TTC6: variants seen among roughly 807,000 people sequenced by gnomAD.
TTC6 encodes tetratricopeptide repeat domain 6, also known as tetratricopeptide repeat protein 6.
In TTC6, 172 loss-of-function variants were observed where a neutral mutation model predicts 210.4. The ratio of observed to expected loss-of-function variants is 0.82; its 90% CI spans 0.72 to 0.93. TTC6 has a LOEUF of 0.93. Among genes scored for constraint, TTC6 ranks in the 40% least tolerant of loss-of-function variants. The probability of loss-of-function intolerance (pLI) is 0.00; values close to 1 mark genes in which losing one functional copy is unlikely to be tolerated. For missense variants in TTC6, 2,414 were observed against 2,318.1 expected (o/e 1.04, Z -0.85); for synonymous variants, 804 against 819.6 (o/e 0.98, Z 0.32).
chr14:37,812,518 G>A, intron 25 of TTC6, 85 bp downstream of exon 27: 1 of 1,319,436 alleles, frequency 7.6e-7, no homozygotes. Context: ...TTATCAACTG[G>A]CAATATTAAT....
At chr14:37,640,284 T>G (rs935502947) in intron 1 of TTC6, among the ~76,000 whole-genome samples, 2 of 152,124 alleles carry the variant, frequency 1.3e-5, no homozygotes, top group Non-Finnish European at 2.9e-5. Flanking sequence ...AGTCCCTTAA[T>G]TTAGACTCTA....
chr14:37,842,110 T>A, intron 30 of TTC6, 45 bp from the exon 33 acceptor site: 1 of 1,440,008 alleles, frequency 6.9e-7, no homozygotes, highest in Non-Finnish European at 9.1e-7. Flanking sequence ...GAGACTATTT[T>A]TTGAGTGCCA....
At chr14:37,835,361 T>G (rs761054633) in intron 29 of TTC6, among the ~76,000 whole-genome samples, 7 of 152,202 alleles carry the variant, frequency 4.6e-5, no homozygotes, top group Non-Finnish European at 8.8e-5. Flanking sequence ...AGATGAGAGA[T>G]ACCAATTTAT....
At chr14:37,696,016 A>G (rs1003497050) in intron 3 of TTC6, among the ~76,000 whole-genome samples, 5 of 152,188 alleles carry the variant, frequency 3.3e-5, no homozygotes, top group Non-Finnish European at 7.4e-5. Context: ...CAGATTACCA[A>G]GATGGTTAGG....
chr14:37,701,550 A>G lies in TTC6; in HGVS notation c.1571+24A>G, dbSNP rs185208219. 13 of 1,422,570 alleles carry G rather than the reference A, an allele frequency of 9.1e-6. No homozygotes were observed. In the African/African-American group the frequency reaches 1.6e-4, roughly 17 times the overall value. 88.1% of individuals were successfully genotyped at this position (1,422,570 alleles called of 1,614,324 possible). On this transcript the variant is annotated intron_variant, in intron 5 of 30. Transcript: ENST00000553443. ...AGGTAAGAGTTCCACTGGTAATTTG[A>G]TTTTAAGCTAAATGTAAACTGTCAT... is the stretch of plus-strand genomic sequence containing the variant.
At chr14:37,600,033 C>A (rs2139209162) in intron 1 of TTC6, among the ~76,000 whole-genome samples, 1 of 152,318 alleles carries the variant, frequency 6.6e-6, no homozygotes, top group African/African-American at 2.4e-5. Flanking sequence ...AAAGGATCCT[C>A]GGGCTTTCCC....
intron 4 of TTC6, among the ~76,000 whole-genome samples, chr14:37,700,029 A>G (rs917957163): frequency 3.9e-5 from 6 of 152,178 alleles, no homozygotes; most frequent in Non-Finnish European, 8.8e-5. Flanking sequence ...CCCATGAAGG[A>G]AGAGCAATTT....
At chr14:37,596,374 C>A (rs548482642) in intron 1 of TTC6, among the ~76,000 whole-genome samples, 1 of 152,404 alleles carries the variant, frequency 6.6e-6, no homozygotes, top group South Asian at 2.1e-4. Context: ...AGACTGCCCG[C>A]AGCGGCGCTT....
chr14:37,789,598 A>ATATATATAT (rs1466610552), intron 15 of TTC6, among the ~76,000 whole-genome samples: 17 of 146,156 alleles, frequency 1.2e-4, no homozygotes, highest in African/African-American at 3.7e-4. Flanking sequence ...GTTTCCTCTT[A>ATATATATAT]TATATATATA....
intron 1 of TTC6, among the ~76,000 whole-genome samples, chr14:37,643,989 T>A (rs887765559): frequency 6.6e-6 from 1 of 152,220 alleles, no homozygotes; most frequent in Admixed American, 6.5e-5. Context: ...GTTCTGTTGC[T>A]CTTTAGGGTT....
rs764953498 is a variant in TTC6, at chr14:37,835,106, G to A, written c.5299-6339G>A. Among the ~76,000 whole-genome samples, 33 of 152,230 alleles carry A rather than the reference G, an allele frequency of 2.2e-4. 1 individual carries two copies. Among genetic ancestry groups the A allele is most frequent in the South Asian group, 6.2e-4 (3 of 4,824 alleles). On this transcript the variant is annotated intron_variant, in intron 29 of 30. Coordinates refer to ENST00000553443, the Ensembl canonical transcript of TTC6. ...TTGCAGGCAGTGGTTTTTCCTGGGC[G>A]GCCAGTCTTTGCACTCCTGGCAGGG...
chr14:37,614,607 C>A (rs1199937411), intron 2 of TTC6, among the ~76,000 whole-genome samples: 3 of 149,614 alleles, frequency 2.0e-5, no homozygotes, highest in Non-Finnish European at 4.4e-5. Context: ...TTTAGCATTT[C>A]TTGTAATTCC....
At chr14:37,700,750 C>T (rs1475349649) in intron 4 of TTC6, among the ~76,000 whole-genome samples, 1 of 62,286 alleles carries the variant, frequency 1.6e-5, no homozygotes, top group African/African-American at 7.6e-5. Context: ...CTCCATCTCA[C>T]AAAAAAAAAA....
chr14:37,762,122 T>C (rs1274204056), intron 14 of TTC6, among the ~76,000 whole-genome samples: 1 of 152,222 alleles, frequency 6.6e-6, no homozygotes, highest in African/African-American at 2.4e-5. Flanking sequence ...TCTTCCAAGT[T>C]AATTCGTATT....
chr14:37,653,572 C>G (rs759789213), intron 1 of TTC6, among the ~76,000 whole-genome samples: 5 of 150,032 alleles, frequency 3.3e-5, no homozygotes, highest in Non-Finnish European at 7.4e-5. Context: ...TTGCTGTCTT[C>G]TGCTATGGTC....
At chr14:37,608,631 T>G (rs2095629287) in intron 2 of TTC6, among the ~76,000 whole-genome samples, 1 of 152,178 alleles carries the variant, frequency 6.6e-6, no homozygotes, top group Non-Finnish European at 1.5e-5. Context: ...AAAATCAAAA[T>G]CTTTCATCCA....
chr14:37,682,973 C>G lies in TTC6; in HGVS notation c.1257+9C>G. On this transcript the variant is annotated intron_variant, in intron 3 of 30. Coordinates refer to ENST00000553443, the Ensembl canonical transcript of TTC6. ...AGTGGGTGTCTTTAACGGTAAGAAACTATTTATGTTGGAAACACCTAAGAG... is the reference window on the plus strand; with the variant it reads ...AGTGGGTGTCTTTAACGGTAAGAAAGTATTTATGTTGGAAACACCTAAGAG... 6.5e-7 allele frequency: 1 copy of G among 1,533,850 alleles called. No homozygotes were observed. The highest frequency in any genetic ancestry group is 8.7e-7 in the Non-Finnish European group (1 of 1,145,244).
intron 3 of TTC6, among the ~76,000 whole-genome samples, chr14:37,692,973 C>G (rs1225455503): frequency 6.6e-6 from 1 of 152,130 alleles, no homozygotes; most frequent in Non-Finnish European, 1.5e-5. Context: ...AGCCTTTCCT[C>G]TAAGATCTGA....
chr14:37,688,956 A>C (rs1027209285), intron 3 of TTC6, among the ~76,000 whole-genome samples: 2 of 152,168 alleles, frequency 1.3e-5, no homozygotes, highest in Admixed American at 6.5e-5. Flanking sequence ...GACTTCACCA[A>C]ATGAACTAAA....
Sources: allele counts gnomAD v4.1 joint callset (sites outside exome capture counted in the v4.1 genomes callset), GRCh38; gene constraint gnomAD v4.1.1; transcripts MANE v1.5; gene names NCBI Gene and HGNC (gene_info 2026-07-23, HGNC 2026-07-21).